TAF2: variants seen among roughly 807,000 people sequenced by gnomAD.
TAF2 encodes the protein TATA-box binding protein associated factor 2, also known as transcription initiation factor TFIID subunit 2.
A neutral mutation model predicts 138.5 loss-of-function variants in TAF2; 61 were observed. The observed-to-expected ratio is 0.44, with a 90% CI of 0.36 to 0.54. The LOEUF (loss-of-function observed/expected upper bound fraction) is 0.54, where lower values mean the gene tolerates loss of function less well. Ranked by LOEUF, TAF2 falls within the 20% of genes least tolerant of loss-of-function variation. TAF2 has a pLI of 0.00. For synonymous variants in TAF2, 475 were observed against 469.9 expected (o/e 1.01, Z -0.14); for missense variants, 1,090 against 1,427.9 (o/e 0.76, Z 3.81).
intron 6 of TAF2, among the ~76,000 whole-genome samples, chr8:119,799,596 G>C (rs1359507560): frequency 6.6e-6 from 1 of 152,164 alleles, no homozygotes; most frequent in African/African-American, 2.4e-5. Context: ...ATTGTGAATA[G>C]TGCTGCAATA....
At chr8:119,822,176 C>T (rs1586543381) in intron 2 of TAF2, among the ~76,000 whole-genome samples, 3 of 151,640 alleles carry the variant, frequency 2.0e-5, no homozygotes, top group African/African-American at 4.8e-5. Context: ...TCATTAATAT[C>T]TATGAAATTC....
At chr8:119,757,725 G>A (rs1252511572) in intron 21 of TAF2, among the ~76,000 whole-genome samples, 1 of 151,680 alleles carries the variant, frequency 6.6e-6, no homozygotes, top group Admixed American at 6.6e-5. Flanking sequence ...GCAAAACTCC[G>A]TCTCTACTAA....
chr8:119,800,023 C>G (rs937178630), intron 6 of TAF2, among the ~76,000 whole-genome samples: 7 of 151,932 alleles, frequency 4.6e-5, no homozygotes, highest in African/African-American at 1.7e-4. Flanking sequence ...AATTTGACTT[C>G]TTTGTAGATT....
chr8:119,794,395 C>CA (rs147358018), intron 9 of TAF2, among the ~76,000 whole-genome samples: 40,741 of 118,728 alleles, frequency 0.34, 6,818 homozygotes, highest in African/African-American at 0.51. Context: ...GACTCCGTCT[C>CA]AAAAAAAAAA....
intron 3 of TAF2, among the ~76,000 whole-genome samples, chr8:119,815,831 T>G (rs1825425694): frequency 6.6e-6 from 1 of 152,216 alleles, no homozygotes; most frequent in Non-Finnish European, 1.5e-5. Context: ...CTTCAAGTGC[T>G]GAATTATTTT....
At chr8:119,804,520 G>C (rs958356014) in intron 4 of TAF2, among the ~76,000 whole-genome samples, 16 of 152,184 alleles carry the variant, frequency 1.1e-4, no homozygotes, top group Admixed American at 3.3e-4. Context: ...TAGTGAATAA[G>C]TGTCACAAGA....
intron 3 of TAF2, among the ~76,000 whole-genome samples, chr8:119,817,093 G>T (rs1040113951): frequency 7.2e-5 from 11 of 151,910 alleles, no homozygotes; most frequent in Non-Finnish European, 1.0e-4. Flanking sequence ...TTACTAAGTG[G>T]CCATGGCCAA....
chr8:119,822,469 C>T (rs1332238916), intron 2 of TAF2, among the ~76,000 whole-genome samples: 3 of 152,082 alleles, frequency 2.0e-5, no homozygotes, highest in African/African-American at 7.2e-5. Flanking sequence ...AGTGACCCTC[C>T]TATCTCAGCC....
At chr8:119,831,881 C>T (rs886244877) in intron 1 of TAF2, 150 bp from the exon 2 acceptor site, 5 of 529,722 alleles carry the variant, frequency 9.4e-6, no homozygotes, top group Middle Eastern at 6.0e-4. Context: ...CGAATTGGGG[C>T]CTGGTGCGGT....
At chr8:119,766,109 A>G (rs1275004827) in intron 18 of TAF2, among the ~76,000 whole-genome samples, 1 of 152,214 alleles carries the variant, frequency 6.6e-6, no homozygotes, top group African/African-American at 2.4e-5. Flanking sequence ...TAACTTCACA[A>G]ATAGATTCAT....
chr8:119,767,830 T>A (rs1303283439), intron 18 of TAF2, among the ~76,000 whole-genome samples: 3 of 152,210 alleles, frequency 2.0e-5, no homozygotes, highest in Admixed American at 6.5e-5. Context: ...GTATTTTGGC[T>A]GTGGCCCAGT....
chr8:119,800,947 G>A (rs1824212145), intron 6 of TAF2, among the ~76,000 whole-genome samples: 1 of 152,314 alleles, frequency 6.6e-6, no homozygotes, highest in African/African-American at 2.4e-5. Flanking sequence ...GAAGTCTCAT[G>A]CTTGGGGAGG....
intron 20 of TAF2, among the ~76,000 whole-genome samples, chr8:119,759,658 T>A (rs572621619): frequency 6.6e-6 from 1 of 152,302 alleles, no homozygotes; most frequent in South Asian, 2.1e-4. Context: ...TATTCATCAC[T>A]AGTTCTTTCA....
At chr8:119,781,537 G>A (rs1014465051) in intron 16 of TAF2, among the ~76,000 whole-genome samples, 2 of 152,102 alleles carry the variant, frequency 1.3e-5, no homozygotes, top group Admixed American at 1.3e-4. Context: ...TAAATTAGCC[G>A]GGCATGATGG....
At position 119,771,122 on chromosome 8, in the gene TAF2, A is replaced by G. The variant is rs546522366; in HGVS notation, c.2364+6897T>C. On this transcript the variant is annotated intron_variant, in intron 18 of 25. Transcript: ENST00000378164. ...GTTGGATAAAAAACAAGACACTACCATCTATTGCCTAGAAGAGACCCCCTC... is the reference window on the plus strand; with the variant it reads ...GTTGGATAAAAAACAAGACACTACCGTCTATTGCCTAGAAGAGACCCCCTC... Among the ~76,000 whole-genome samples the G allele has an allele frequency of 2.6e-5, 4 of 152,306 alleles. No individual in the cohort carries two copies. The South Asian group carries it at 6.2e-4, about 24-fold the overall frequency.
In TAF2 at chr8:119,732,173, T is replaced by A; in HGVS notation, c.3351A>T (p.Ala1117=). The A allele has an allele frequency of 6.2e-7, 1 of 1,614,140 alleles. No homozygotes were observed. Among genetic ancestry groups the A allele is most frequent in the Admixed American group, 1.7e-5 (1 of 60,016 alleles). Residue 1117 remains alanine, a synonymous_variant, in exon 26 of 26, where the codon GCA becomes GCT. Transcript: ENST00000378164. The stretch of plus-strand genomic sequence containing the variant: ...CTGGATGCATACTCATCTCCAAAGG[T>A]GCTTGTTCTTTACCTTCAAGATTAA... ...LARKGTGKEQ[A]PLEMSMHPAA...
At chr8:119,797,636 C>T (rs373550900) in intron 7 of TAF2, 26 bp downstream of exon 7, 335 of 1,600,704 alleles carry the variant, frequency 2.1e-4, no homozygotes, top group Non-Finnish European at 2.8e-4. Context: ...TTAATTTAGG[C>T]ATTTCAAATC....
chr8:119,771,360 T>C (rs1455245721), intron 18 of TAF2, among the ~76,000 whole-genome samples: 3 of 151,968 alleles, frequency 2.0e-5, no homozygotes, highest in African/African-American at 7.2e-5. Flanking sequence ...CTCAGCCTCC[T>C]GAGTAGCTGG....
intron 18 of TAF2, among the ~76,000 whole-genome samples, chr8:119,769,105 C>T (rs1821648353): frequency 6.6e-6 from 1 of 152,154 alleles, no homozygotes; most frequent in African/African-American, 2.4e-5. Context: ...AAAAGAGTAC[C>T]ACACAGTAAA....
Sources: allele counts gnomAD v4.1 joint callset (sites outside exome capture counted in the v4.1 genomes callset), GRCh38; gene constraint gnomAD v4.1.1; transcripts MANE v1.5; gene names NCBI Gene and HGNC (gene_info 2026-07-23, HGNC 2026-07-21).